The following RBMS3 variants were observed in gnomAD, a reference collection of about 807,000 sequenced individuals.
RBMS3 encodes the protein RNA-binding motif, single-stranded-interacting protein 3.
RBMS3 carries 27 observed loss-of-function variants against 66.8 expected under a neutral mutation model. The observed-to-expected ratio is 0.40, with a 90% CI of 0.30 to 0.56. The LOEUF (loss-of-function observed/expected upper bound fraction) is 0.56, where lower values mean the gene tolerates loss of function less well. RBMS3 is among the 20% of genes least tolerant of loss of function. The probability of loss-of-function intolerance (pLI) is 0.40; values close to 1 mark genes in which losing one functional copy is unlikely to be tolerated. For missense variants in RBMS3, 513 were observed against 549.5 expected, an observed-to-expected ratio of 0.93 and a Z score of 0.66; for synonymous variants, 188 against 183.0, an observed-to-expected ratio of 1.03 and a Z score of -0.22.
intron 3 of RBMS3, among the ~76,000 whole-genome samples, chr3:29,505,443 T>C (rs2044145051): frequency 6.6e-6 from 1 of 151,982 alleles, no homozygotes. Context: ...AGTACCATAC[T>C]CTGTTTATTA....
At chr3:29,728,851 A>G (rs2054000313) in intron 4 of RBMS3, among the ~76,000 whole-genome samples, 2 of 152,066 alleles carry the variant, frequency 1.3e-5, no homozygotes, top group African/African-American at 4.8e-5. Context: ...TAAAATGCAT[A>G]TGGCTTTACA....
At chr3:29,839,705 T>C (rs2058616132) in intron 6 of RBMS3, among the ~76,000 whole-genome samples, 1 of 151,772 alleles carries the variant, frequency 6.6e-6, no homozygotes, top group African/African-American at 2.4e-5. Context: ...TAAAAACTAC[T>C]CAGAACAAAC....
At chr3:29,886,708 T>TC (rs2059879867) in intron 8 of RBMS3, among the ~76,000 whole-genome samples, 1 of 148,580 alleles carries the variant, frequency 6.7e-6, no homozygotes, top group Non-Finnish European at 1.5e-5. Context: ...TAATTATTAT[T>TC]TTTTTTTTTA....
chr3:29,921,842 A>G (rs1382314940), intron 10 of RBMS3, among the ~76,000 whole-genome samples: 1 of 152,138 alleles, frequency 6.6e-6, no homozygotes, highest in East Asian at 1.9e-4. Flanking sequence ...TTCCTACAGT[A>G]TGTTTTTCAG....
intron 3 of RBMS3, among the ~76,000 whole-genome samples, chr3:29,550,668 T>C (rs35899): frequency 0.6 from 91,293 of 151,890 alleles, 28,209 homozygotes; most frequent in African/African-American, 0.74. Context: ...TAAATCTGTT[T>C]CATGCAATAT....
intron 8 of RBMS3, among the ~76,000 whole-genome samples, chr3:29,893,795 C>T (rs995606870): frequency 4.0e-5 from 6 of 151,490 alleles, no homozygotes; most frequent in Non-Finnish European, 8.9e-5. Context: ...CTTCTCTGGG[C>T]TCTCATTCCT....
chr3:29,692,933 G>A (rs2052097174), intron 4 of RBMS3, among the ~76,000 whole-genome samples: 1 of 152,080 alleles, frequency 6.6e-6, no homozygotes, highest in African/African-American at 2.4e-5. Context: ...TTTTGGTACG[G>A]ACAGATCCTT....
At chr3:29,351,893 A>G (rs889953934) in intron 1 of RBMS3, among the ~76,000 whole-genome samples, 1 of 152,026 alleles carries the variant, frequency 6.6e-6, no homozygotes, top group African/African-American at 2.4e-5. Context: ...GTACGTGCTC[A>G]TACATTGCAT....
At chr3:29,627,440 G>A (rs1294067749) in intron 4 of RBMS3, among the ~76,000 whole-genome samples, 4 of 152,000 alleles carry the variant, frequency 2.6e-5, no homozygotes, top group African/African-American at 9.7e-5. Flanking sequence ...ACAATCCTTG[G>A]CCTCTACCTA....
At chr3:29,910,341 T>C (rs2060485635) in intron 10 of RBMS3, among the ~76,000 whole-genome samples, 1 of 152,062 alleles carries the variant, frequency 6.6e-6, no homozygotes, top group African/African-American at 2.4e-5. Context: ...AGATAGACCA[T>C]GGAACTATTT....
intron 3 of RBMS3, among the ~76,000 whole-genome samples, chr3:29,524,843 A>G (rs1316961450): frequency 6.6e-6 from 1 of 152,022 alleles, no homozygotes; most frequent in Non-Finnish European, 1.5e-5. Flanking sequence ...GCTTGAGCCT[A>G]GCAGTTTTGG....
intron 6 of RBMS3, among the ~76,000 whole-genome samples, chr3:29,830,595 C>A (rs1239611729): frequency 6.6e-6 from 1 of 152,028 alleles, no homozygotes. Flanking sequence ...TGGAAAGCTG[C>A]CTAGAGACTT....
intron 3 of RBMS3, among the ~76,000 whole-genome samples, chr3:29,505,519 G>GTTTGT (rs60178915): frequency 4.9e-5 from 7 of 142,998 alleles, no homozygotes; most frequent in South Asian, 2.2e-4. Context: ...TTTTTTTTTT[G>GTTTGT]TTGTTTGTTT....
intron 6 of RBMS3, among the ~76,000 whole-genome samples, chr3:29,831,760 AT>A (rs1377638942): frequency 6.6e-6 from 1 of 152,070 alleles, no homozygotes; most frequent in Non-Finnish European, 1.5e-5. Flanking sequence ...AAGCTGTTAG[AT>A]TGATTTTTCC....
At chr3:29,963,034 T>C (rs1456005177) in intron 12 of RBMS3, among the ~76,000 whole-genome samples, 4 of 151,784 alleles carry the variant, frequency 2.6e-5, no homozygotes, top group East Asian at 1.9e-4. Flanking sequence ...CCAGTTACTT[T>C]GGAGATTTTT....
At chr3:29,422,774 A>G (rs921969809) in intron 1 of RBMS3, among the ~76,000 whole-genome samples, 10 of 152,174 alleles carry the variant, frequency 6.6e-5, no homozygotes, top group East Asian at 3.8e-4. Flanking sequence ...GCTCATTTCA[A>G]TCTTTACAAT....
At chr3:29,353,844 T>C (rs1053017030) in intron 1 of RBMS3, among the ~76,000 whole-genome samples, 2 of 152,106 alleles carry the variant, frequency 1.3e-5, no homozygotes, top group Non-Finnish European at 2.9e-5. Context: ...CAGTTTCTTA[T>C]TAGCAAAATT....
intron 14 of RBMS3, among the ~76,000 whole-genome samples, chr3:30,002,456 A>AT (rs1380853459): frequency 5.3e-5 from 8 of 151,980 alleles, no homozygotes; most frequent in Non-Finnish European, 1.0e-4. Context: ...AGTAATATAG[A>AT]TTTTTAGACA....
At chr3:29,495,221 G>A (rs1000119315) in intron 3 of RBMS3, among the ~76,000 whole-genome samples, 3 of 151,938 alleles carry the variant, frequency 2.0e-5, no homozygotes, top group Non-Finnish European at 2.9e-5. Flanking sequence ...AGAGAGTGGT[G>A]TGACTTTGTT....
Sources: gnomAD v4.1 joint callset for allele counts (sites outside exome capture counted in the v4.1 genomes callset) on GRCh38, gnomAD v4.1.1 for gene constraint, MANE v1.5 for transcripts, NCBI Gene and HGNC (gene_info 2026-07-23, HGNC 2026-07-21) for gene names.